TES: variants seen among roughly 807,000 people sequenced by gnomAD.
TES encodes the protein testin LIM domain protein.
In TES, 41 loss-of-function variants were observed where a neutral mutation model predicts 48.2. That is an observed-to-expected ratio of 0.85 (90% CI 0.66 to 1.10). The LOEUF is 1.10. TES is among the 50% of genes least tolerant of loss of function. The probability of loss-of-function intolerance (pLI) is 0.00; values close to 1 mark genes in which losing one functional copy is unlikely to be tolerated. For missense variants in TES, 463 were observed against 515.1 expected, an observed-to-expected ratio of 0.90 and a Z score of 0.98; for synonymous variants, 162 against 174.9, an observed-to-expected ratio of 0.93 and a Z score of 0.58.
At chr7:116,252,815 A>G in intron 6 of TES, 1 of 329,224 alleles carries the variant, frequency 3.0e-6, no homozygotes, top group Non-Finnish European at 5.9e-6. Context: ...TCTAGGGGCT[A>G]TTGATATTCT....
intron 1 of TES, among the ~76,000 whole-genome samples, chr7:116,228,782 A>G (rs1799656596): frequency 6.6e-6 from 1 of 152,014 alleles, no homozygotes; most frequent in African/African-American, 2.4e-5. Context: ...GACACAGTTA[A>G]TCTGACACAT....
chr7:116,223,855 TTG>T (rs1799587277), intron 1 of TES, among the ~76,000 whole-genome samples: 4 of 152,194 alleles, frequency 2.6e-5, no homozygotes, highest in African/African-American at 9.7e-5. Flanking sequence ...CACTTAGTCT[TTG>T]GATTTAAAAT....
chr7:116,232,544 C>A (rs2116593697), intron 1 of TES, among the ~76,000 whole-genome samples: 1 of 136,794 alleles, frequency 7.3e-6, no homozygotes, highest in East Asian at 2.6e-4. Context: ...TTAGAAAGGG[C>A]CTGAAAAAGA....
chr7:116,210,997 G>A (rs2116564061), intron 1 of TES: 2 of 320,540 alleles, frequency 6.2e-6, no homozygotes, highest in Non-Finnish European at 1.1e-5. Context: ...CCAGTCTCAC[G>A]GAATCCCAGT....
At chr7:116,243,808 T>A (rs914221505) in intron 2 of TES, 1 of 152,178 alleles carries the variant, frequency 6.6e-6, no homozygotes, top group Non-Finnish European at 1.5e-5. Context: ...CAAGACTGGG[T>A]AATTTATAAA....
intron 2 of TES, 90 bp downstream of exon 2, chr7:116,234,709 A>G (rs1413851389): frequency 3.8e-6 from 4 of 1,062,992 alleles, no homozygotes; most frequent in African/African-American, 3.1e-5. Context: ...GTTCTCCAGC[A>G]TGGTTGCTAA....
At chr7:116,246,474 G>A (rs975787400) in intron 2 of TES, among the ~76,000 whole-genome samples, 13 of 152,122 alleles carry the variant, frequency 8.5e-5, no homozygotes, top group Non-Finnish European at 1.6e-4. Context: ...CTTCCTGATT[G>A]CTCTTATGAT....
At chr7:116,214,806 A>G (rs1478039056) in intron 1 of TES, among the ~76,000 whole-genome samples, 1 of 152,078 alleles carries the variant, frequency 6.6e-6, no homozygotes, top group East Asian at 1.9e-4. Flanking sequence ...CTCCATCTAC[A>G]GTTCTAAATT....
intron 2 of TES, among the ~76,000 whole-genome samples, chr7:116,246,314 A>G (rs1000613634): frequency 2.0e-5 from 3 of 152,258 alleles, no homozygotes; most frequent in African/African-American, 7.2e-5. Context: ...GAACCATGCC[A>G]TTGCAAACTG....
intron 3 of TES, 66 bp downstream of exon 3, chr7:116,249,338 T>C: frequency 1.3e-6 from 2 of 1,580,734 alleles, no homozygotes; most frequent in Non-Finnish European, 1.7e-6. Flanking sequence ...GGGCAGTTTC[T>C]TTGATGACCT....
intron 2 of TES, among the ~76,000 whole-genome samples, chr7:116,237,020 T>C (rs191097607): frequency 3.9e-5 from 6 of 152,338 alleles, no homozygotes; most frequent in Admixed American, 3.9e-4. Flanking sequence ...TTTTTCACCA[T>C]AGCTAAAAGA....
chr7:116,219,690 A>G (rs921405361), intron 1 of TES, among the ~76,000 whole-genome samples: 2 of 152,132 alleles, frequency 1.3e-5, no homozygotes, highest in African/African-American at 4.8e-5. Flanking sequence ...TATGATGTTG[A>G]ATACTATTAC....
intron 3 of TES, 133 bp from the exon 4 acceptor site, chr7:116,250,028 T>C: frequency 1.7e-6 from 1 of 583,098 alleles, no homozygotes; most frequent in Non-Finnish European, 2.7e-6. Context: ...CTTCTTAATA[T>C]ACTGTGAGGG....
At position 116,236,216 on chromosome 7, in the gene TES, C is replaced by T. The variant is rs576293328; in HGVS notation, c.113+1597C>T. Among the ~76,000 whole-genome samples, 8 of 152,256 alleles carry T rather than the reference C, an allele frequency of 5.3e-5. No individual in the cohort carries two copies. In the South Asian group the frequency reaches 1.7e-3, roughly 32 times the overall value. ...GTTAACTTTACAGAAGGCTGCACTG[C>T]CCTCTCCTGGGCATAGTTTTTACCT... On this transcript the variant is annotated intron_variant, in intron 2 of 6. Coordinates refer to ENST00000358204, the MANE Select transcript of TES (RefSeq NM_015641.4).
intron 1 of TES, among the ~76,000 whole-genome samples, chr7:116,228,008 G>GTT (rs77777605): frequency 1.1e-3 from 140 of 122,862 alleles, no homozygotes; most frequent in Middle Eastern, 4.1e-3. Flanking sequence ...TCTTTTTTTT[G>GTT]TTTTTTTTTT....
chr7:116,212,527 A>G (rs1355623332), intron 1 of TES, among the ~76,000 whole-genome samples: 1 of 152,284 alleles, frequency 6.6e-6, no homozygotes, highest in East Asian at 1.9e-4. Flanking sequence ...GGGAACTTCG[A>G]ATTTTCTGCT....
At chr7:116,239,642 TG>T (rs1376322842) in intron 2 of TES, among the ~76,000 whole-genome samples, 5 of 152,256 alleles carry the variant, frequency 3.3e-5, no homozygotes, top group African/African-American at 1.2e-4. Context: ...CTGTCGCCTC[TG>T]AAGTGTGATT....
At chr7:116,226,654 A>T (rs1194167565) in intron 1 of TES, among the ~76,000 whole-genome samples, 1 of 152,252 alleles carries the variant, frequency 6.6e-6, no homozygotes, top group Non-Finnish European at 1.5e-5. Context: ...ATACAACGTC[A>T]TACAAAATGA....
At chr7:116,245,899 C>T (rs968284763) in intron 2 of TES, among the ~76,000 whole-genome samples, 6 of 151,992 alleles carry the variant, frequency 3.9e-5, no homozygotes, top group South Asian at 2.1e-4. Flanking sequence ...GGAGAAGTGC[C>T]GAGCAAAAGG....
Sources: allele counts gnomAD v4.1 joint callset (sites outside exome capture counted in the v4.1 genomes callset), GRCh38; gene constraint gnomAD v4.1.1; transcripts MANE v1.5; gene names NCBI Gene and HGNC (gene_info 2026-07-23, HGNC 2026-07-21).